Variants in CCDC102B observed in about 807,000 individuals in gnomAD.
CCDC102B encodes the protein coiled-coil domain containing 102B.
CCDC102B carries 75 observed loss-of-function variants against 57.4 expected under a neutral mutation model. The ratio of observed to expected loss-of-function variants is 1.31; its 90% CI spans 1.08 to 1.58. The LOEUF (loss-of-function observed/expected upper bound fraction) is 1.58. Among genes scored for constraint, CCDC102B ranks in the 40% most tolerant of loss-of-function variants. CCDC102B has a pLI of 0.00. For missense variants in CCDC102B, 636 were observed against 582.6 expected (o/e 1.09, Z -0.94); for synonymous variants, 206 against 201.9 (o/e 1.02, Z -0.17).
chr18:69,053,323 C>T (rs2052753661), intron 7 of CCDC102B, among the ~76,000 whole-genome samples: 1 of 148,536 alleles, frequency 6.7e-6, no homozygotes, highest in East Asian at 2.0e-4. Context: ...ATATATTTCA[C>T]ATATATATAT....
intron 6 of CCDC102B, among the ~76,000 whole-genome samples, chr18:68,934,123 T>G (rs2041768615): frequency 6.6e-6 from 1 of 151,988 alleles, no homozygotes; most frequent in Non-Finnish European, 1.5e-5. Context: ...CTCTCTAGGC[T>G]CTGTACTTAT....
rs78473716 is a variant in CCDC102B, at chr18:68,936,896, C to T, written c.1263+39468C>T. Among the ~76,000 whole-genome samples the T allele has an allele frequency of 2.4e-4, 36 of 151,358 alleles. No homozygotes were observed. The East Asian group carries it at 4.5e-3, about 19-fold the overall frequency. ...CACACACCCAACACACATATACATA[C>T]GTAAGTCAATTACTATTATTGACAG... On this transcript the variant is annotated intron_variant, in intron 6 of 7. Coordinates refer to ENST00000360242, the MANE Select transcript of CCDC102B (RefSeq NM_024781.3).
intron 2 of CCDC102B, chr18:68,721,409 C>T (rs1230206729): frequency 6.6e-6 from 1 of 152,142 alleles, no homozygotes; most frequent in Non-Finnish European, 1.5e-5. Context: ...CCAGGGGAAC[C>T]ACTCTCCTGA....
chr18:68,836,268 TC>T (rs2144783952), intron 1 of CCDC102B, among the ~76,000 whole-genome samples: 1 of 152,336 alleles, frequency 6.6e-6, no homozygotes, highest in Admixed American at 6.5e-5. Flanking sequence ...ATTTTCTGTT[TC>T]TTAGTGGATA....
intron 7 of CCDC102B, among the ~76,000 whole-genome samples, chr18:69,018,234 A>G (rs1275959340): frequency 2.0e-5 from 3 of 152,238 alleles, no homozygotes; most frequent in Non-Finnish European, 4.4e-5. Context: ...GCGTATATAC[A>G]CAACGTGTGT....
intron 7 of CCDC102B, among the ~76,000 whole-genome samples, chr18:69,049,800 C>T (rs1221236849): frequency 6.6e-6 from 1 of 151,802 alleles, no homozygotes; most frequent in African/African-American, 2.4e-5. Flanking sequence ...GGGTCCATTG[C>T]TTAACTTTTC....
intron 1 of CCDC102B, among the ~76,000 whole-genome samples, chr18:68,716,017 G>T (rs1250346319): frequency 6.6e-6 from 1 of 152,144 alleles, no homozygotes; most frequent in Non-Finnish European, 1.5e-5. Flanking sequence ...CACTCTAATT[G>T]AGAGCAAGCC....
At chr18:68,790,428 C>A (rs2035404609) in intron 2 of CCDC102B, among the ~76,000 whole-genome samples, 2 of 152,124 alleles carry the variant, frequency 1.3e-5, no homozygotes, top group South Asian at 2.1e-4. Flanking sequence ...CCTCCCCCAG[C>A]CTCGCTGCCG....
At chr18:68,727,785 T>G (rs1400696757) in intron 2 of CCDC102B, among the ~76,000 whole-genome samples, 1 of 152,190 alleles carries the variant, frequency 6.6e-6, no homozygotes, top group Non-Finnish European at 1.5e-5. Context: ...TAGACCAGAT[T>G]GGCAGCCTAC....
chr18:68,909,096 A>AAAAAAAAAAG lies in CCDC102B; in HGVS notation c.1263+11676_1263+11677insAGAAAAAAAA, dbSNP rs1555724663. ...AAGACATAGTTTGGCATGGTTAAAA[A>AAAAAAAAAAG]AAAAAAAAGAATGACAGATGAAACA... On this transcript the variant is annotated intron_variant, in intron 6 of 7. Coordinates refer to ENST00000360242, the MANE Select transcript of CCDC102B (RefSeq NM_024781.3). Among the ~76,000 whole-genome samples, 22 of 147,432 alleles carry AAAAAAAAAAG rather than the reference A, an allele frequency of 1.5e-4. 1 individual carries two copies. The highest frequency in any genetic ancestry group is 4.2e-4 in the South Asian group (2 of 4,742).
At chr18:68,828,817 C>T (rs2037022550) in intron 1 of CCDC102B, among the ~76,000 whole-genome samples, 2 of 151,502 alleles carry the variant, frequency 1.3e-5, no homozygotes, top group African/African-American at 4.8e-5. Flanking sequence ...TAAATATATT[C>T]TGTCATGTCA....
intron 2 of CCDC102B, among the ~76,000 whole-genome samples, chr18:68,738,993 C>CTTTTTTTTTTTTTTTTTTTTT (rs201214278): frequency 1.7e-4 from 24 of 145,016 alleles, no homozygotes; most frequent in South Asian, 4.5e-4. Context: ...GATGAGCAGC[C>CTTTTTTTTTTTTTTTTTTTTT]TTTTGTTTTT....
intron 2 of CCDC102B, among the ~76,000 whole-genome samples, chr18:68,768,032 G>T (rs1378345515): frequency 6.6e-6 from 1 of 151,948 alleles, no homozygotes; most frequent in Non-Finnish European, 1.5e-5. Flanking sequence ...TTTGTGGTTT[G>T]TCAATCATCA....
chr18:68,857,165 TATATAATATATAAAA>T (rs2038452353), intron 4 of CCDC102B, among the ~76,000 whole-genome samples: 1 of 45,234 alleles, frequency 2.2e-5, no homozygotes, highest in African/African-American at 1.1e-4. Context: ...TATATATTTT[TATATAATATATAAAA>T]ATATATTTAT....
rs550441352 is a variant in CCDC102B, at chr18:68,938,116, A to G, written c.1263+40688A>G. Among the ~76,000 whole-genome samples, 4 of 152,174 alleles carry G rather than the reference A, an allele frequency of 2.6e-5. No individual in the cohort carries two copies. The South Asian group carries it at 8.3e-4, about 32-fold the overall frequency. On this transcript the variant is annotated intron_variant, in intron 6 of 7. Transcript: ENST00000360242. The stretch of plus-strand genomic sequence containing the variant: ...AAAAGGTCTCAACTCAGACCTTATT[A>G]AGTCAAAATTTATACAATTGAGACA...
At chr18:68,835,035 C>T (rs1273845376) in intron 1 of CCDC102B, among the ~76,000 whole-genome samples, 1 of 152,062 alleles carries the variant, frequency 6.6e-6, no homozygotes, top group East Asian at 1.9e-4. Context: ...TAATTATATA[C>T]AGCCATGGAA....
intron 7 of CCDC102B, among the ~76,000 whole-genome samples, chr18:69,042,760 TAA>T (rs2052464516): frequency 6.6e-6 from 1 of 151,960 alleles, no homozygotes; most frequent in African/African-American, 2.4e-5. Flanking sequence ...ATATGACAAG[TAA>T]TATTTATGAA....
intron 6 of CCDC102B, among the ~76,000 whole-genome samples, chr18:68,931,126 T>C (rs1197039685): frequency 6.6e-6 from 1 of 151,866 alleles, no homozygotes; most frequent in African/African-American, 2.4e-5. Flanking sequence ...GATGACATTG[T>C]GGCCACATTT....
chr18:69,054,724 A>T lies in CCDC102B; in HGVS notation c.*587A>T. On this transcript the variant is annotated 3_prime_UTR_variant, in exon 8 of 8. Transcript: ENST00000360242. ...AGTGTTTTGTATTTTAAAGTAACAGATAACCAGTGATTGAATCTAAGACAG... is the reference window on the plus strand; with the variant it reads ...AGTGTTTTGTATTTTAAAGTAACAGTTAACCAGTGATTGAATCTAAGACAG... 1 of 985,188 alleles carries T rather than the reference A, an allele frequency of 1.0e-6. No individual in the cohort carries two copies. Among genetic ancestry groups the T allele is most frequent in the Non-Finnish European group, 1.2e-6 (1 of 829,766 alleles). The allele number at this position is 985,188 out of a possible 1,614,324, so 61.0% of individuals were successfully genotyped here.
Sources: allele counts gnomAD v4.1 joint callset (sites outside exome capture counted in the v4.1 genomes callset), GRCh38; gene constraint gnomAD v4.1.1; transcripts MANE v1.5; gene names NCBI Gene and HGNC (gene_info 2026-07-23, HGNC 2026-07-21).